The following VWA8 variants were observed in gnomAD, a reference collection of about 807,000 sequenced individuals.
VWA8 encodes the protein von Willebrand factor A domain containing 8.
In VWA8, 221 loss-of-function variants were observed where a neutral mutation model predicts 241.5. The ratio of observed to expected loss-of-function variants is 0.91; its 90% CI spans 0.82 to 1.02. VWA8 has a LOEUF of 1.02. Ranked by LOEUF, VWA8 falls within the 50% of genes least tolerant of loss-of-function variation. The pLI is 0.00. For missense variants in VWA8, 2,322 were observed against 2,328.7 expected, an observed-to-expected ratio of 1.00 and a Z score of 0.06; for synonymous variants, 852 against 827.1, an observed-to-expected ratio of 1.03 and a Z score of -0.52.
At chr13:41,863,385 T>A (rs1593825935) in intron 12 of VWA8, among the ~76,000 whole-genome samples, 2 of 132,524 alleles carry the variant, frequency 1.5e-5, no homozygotes, top group African/African-American at 6.4e-5. Flanking sequence ...TGTGTGTGTG[T>A]ATCTCCTATT....
intron 21 of VWA8, among the ~76,000 whole-genome samples, chr13:41,743,823 TGTATTCTC>T (rs1219139784): frequency 6.6e-6 from 1 of 152,230 alleles, no homozygotes; most frequent in African/African-American, 2.4e-5. Context: ...TGTTCATTGT[TGTATTCTC>T]AAGAACAGTA....
chr13:41,762,967 G>A (rs1336608540), intron 20 of VWA8, among the ~76,000 whole-genome samples: 1 of 151,894 alleles, frequency 6.6e-6, no homozygotes, highest in Non-Finnish European at 1.5e-5. Context: ...CTGAAATTAT[G>A]GACTTATAAA....
At chr13:41,688,478 G>C (rs966690752) in intron 34 of VWA8, among the ~76,000 whole-genome samples, 1 of 152,070 alleles carries the variant, frequency 6.6e-6, no homozygotes, top group Non-Finnish European at 1.5e-5. Context: ...TCCATCAGAG[G>C]AAGATGTCGC....
intron 17 of VWA8, among the ~76,000 whole-genome samples, chr13:41,791,801 A>C (rs979321695): frequency 6.6e-6 from 1 of 151,898 alleles, no homozygotes; most frequent in Non-Finnish European, 1.5e-5. Context: ...TGATGGACAG[A>C]TGGGCTGTTT....
rs777101199 is a variant in VWA8, at chr13:41,906,794, A to C, written c.483+792T>G. 3.4e-4 allele frequency among the ~76,000 whole-genome samples: 52 copies of C among 152,276 alleles called. 1 individual carries two copies. The highest frequency in any genetic ancestry group is 6.0e-4 in the Non-Finnish European group (41 of 68,002). On this transcript the variant is annotated intron_variant, in intron 4 of 44. Coordinates refer to ENST00000379310, the MANE Select transcript of VWA8 (RefSeq NM_015058.2). Reference sequence around the variant, plus strand: ...CAAACTTTCTTTTTAAATTGCATTAATTTCTGCTGCCATCAACAGCAATGC... The same window carrying C: ...CAAACTTTCTTTTTAAATTGCATTACTTTCTGCTGCCATCAACAGCAATGC...
At chr13:41,958,341 C>T (rs115449044) in intron 1 of VWA8, among the ~76,000 whole-genome samples, 1 of 152,042 alleles carries the variant, frequency 6.6e-6, no homozygotes, top group Non-Finnish European at 1.5e-5. Context: ...AGGCACCAAA[C>T]GAATATATAG....
intron 2 of VWA8, chr13:41,925,518 G>C (rs1300466564): frequency 6.5e-6 from 1 of 152,904 alleles, no homozygotes; most frequent in Non-Finnish European, 1.5e-5. Flanking sequence ...TAGAGTTTTT[G>C]TATGTGGCAG....
intron 12 of VWA8, among the ~76,000 whole-genome samples, chr13:41,846,889 T>C (rs756993251): frequency 4.7e-4 from 71 of 152,016 alleles, no homozygotes; most frequent in African/African-American, 9.2e-4. Context: ...ATTAGCCAGG[T>C]GTGGTGGTGC....
At chr13:41,615,461 C>T (rs1047344547) in intron 37 of VWA8, among the ~76,000 whole-genome samples, 3 of 152,146 alleles carry the variant, frequency 2.0e-5, no homozygotes, top group African/African-American at 7.2e-5. Context: ...GGATCACCAC[C>T]TAGCTGATCC....
intron 40 of VWA8, among the ~76,000 whole-genome samples, chr13:41,596,491 C>A (rs2139651050): frequency 6.6e-6 from 1 of 152,052 alleles, no homozygotes; most frequent in East Asian, 1.9e-4. Context: ...TAAATATATG[C>A]TTTTGTTTAT....
chr13:41,889,147 T>A (rs1417212293), intron 5 of VWA8, among the ~76,000 whole-genome samples: 1 of 152,146 alleles, frequency 6.6e-6, no homozygotes, highest in Non-Finnish European at 1.5e-5. Context: ...TAGAAATAAA[T>A]GGGGCTTAAG....
intron 26 of VWA8, among the ~76,000 whole-genome samples, chr13:41,714,403 T>C (rs2045336016): frequency 6.6e-6 from 1 of 151,942 alleles, no homozygotes; most frequent in African/African-American, 2.4e-5. Flanking sequence ...AGAATGAACA[T>C]TTAAGTATTT....
At chr13:41,865,302 C>T (rs966046431) in intron 12 of VWA8, 7 of 389,058 alleles carry the variant, frequency 1.8e-5, no homozygotes, top group Non-Finnish European at 3.5e-5. Flanking sequence ...ATACATTTAT[C>T]TTTTCTTTAT....
At chr13:41,880,977 T>C (rs540055388) in intron 9 of VWA8, among the ~76,000 whole-genome samples, 1 of 152,310 alleles carries the variant, frequency 6.6e-6, no homozygotes, top group African/African-American at 2.4e-5. Context: ...GGTTGCCAAA[T>C]GGTGTTTTTT....
chr13:41,910,985 G>A (rs897638615), intron 3 of VWA8, among the ~76,000 whole-genome samples: 1 of 151,986 alleles, frequency 6.6e-6, no homozygotes, highest in African/African-American at 2.4e-5. Context: ...TTCATCTGGT[G>A]GCATTCTTTC....
intron 12 of VWA8, among the ~76,000 whole-genome samples, chr13:41,836,325 A>C (rs547223211): frequency 6.6e-6 from 1 of 152,348 alleles, no homozygotes; most frequent in South Asian, 2.1e-4. Context: ...AACTAATATC[A>C]TACTTTCAAA....
At position 41,960,939 on chromosome 13, in the gene VWA8, A is replaced by C. The variant is rs1878587354; in HGVS notation, c.77T>G (p.Leu26Arg). ...GPASRRMRLL[L>R]RQVVQRRPGG... ...CGGCCTGCGCTGCACCACCTGCCGC[A>C]GGAGCAGCCGCATGCGCCGCGAGGC... The change falls in exon 1 of 45, where the codon CTG becomes CGG. Residue 26 changes from leucine (L) to arginine (R), a missense_variant. Transcript: ENST00000379310. 1.3e-6 allele frequency: 2 copies of C among 1,486,448 alleles called. No homozygotes were observed. The highest frequency in any genetic ancestry group is 1.5e-5 in the African/African-American group (1 of 68,206). 92.1% of individuals were successfully genotyped at this position (1,486,448 alleles called of 1,614,324 possible).
intron 43 of VWA8, among the ~76,000 whole-genome samples, chr13:41,571,854 G>A (rs956561354): frequency 1.3e-5 from 2 of 151,426 alleles, no homozygotes; most frequent in African/African-American, 4.9e-5. Context: ...GCCCAGTCTG[G>A]GAAGTGAGGG....
intron 21 of VWA8, among the ~76,000 whole-genome samples, chr13:41,746,277 T>A (rs1347753751): frequency 6.6e-6 from 1 of 152,220 alleles, no homozygotes; most frequent in African/African-American, 2.4e-5. Context: ...ATAACAAAAC[T>A]AAGTAGAAAA....
Sources: gnomAD v4.1 joint callset for allele counts (sites outside exome capture counted in the v4.1 genomes callset) on GRCh38, gnomAD v4.1.1 for gene constraint, MANE v1.5 for transcripts, NCBI Gene and HGNC (gene_info 2026-07-23, HGNC 2026-07-21) for gene names.